PLS1: variants seen among roughly 807,000 people sequenced by gnomAD.
PLS1 encodes plastin-1.
In PLS1, 32 loss-of-function variants were observed where a neutral mutation model predicts 73.7. The ratio of observed to expected loss-of-function variants is 0.43; its 90% confidence interval spans 0.33 to 0.58. The LOEUF (loss-of-function observed/expected upper bound fraction) is 0.58, where lower values mean the gene tolerates loss of function less well. Ranked by LOEUF, PLS1 falls within the 20% of genes least tolerant of loss-of-function variation. PLS1 has a pLI of 0.04. For synonymous variants in PLS1, 217 were observed against 261.3 expected, an observed-to-expected ratio of 0.83 and a Z score of 1.63; for missense variants, 633 against 740.5, an observed-to-expected ratio of 0.85 and a Z score of 1.68.
At chr3:142,646,162 G>A (rs948044423) in intron 1 of PLS1, among the ~76,000 whole-genome samples, 5 of 152,054 alleles carry the variant, frequency 3.3e-5, no homozygotes, top group Non-Finnish European at 1.5e-5. Context: ...GTGAAGATTC[G>A]ATGAGTCAAT....
At chr3:142,635,416 C>G (rs554371867) in intron 1 of PLS1, among the ~76,000 whole-genome samples, 54 of 142,876 alleles carry the variant, frequency 3.8e-4, no homozygotes, top group African/African-American at 1.4e-3. Context: ...ATGGTGAAGT[C>G]TTGTCTCTAC....
chr3:142,687,731 C>A (rs976896895), intron 9 of PLS1, among the ~76,000 whole-genome samples: 10 of 152,150 alleles, frequency 6.6e-5, no homozygotes, highest in Non-Finnish European at 1.5e-4. Context: ...GACATTACTT[C>A]ATGGATAAAT....
intron 4 of PLS1, among the ~76,000 whole-genome samples, chr3:142,673,332 C>T (rs1156482043): frequency 2.0e-5 from 3 of 152,122 alleles, no homozygotes; most frequent in Admixed American, 1.3e-4. Flanking sequence ...TACCTGGCCC[C>T]TTCATTCCTT....
chr3:142,632,954 A>G (rs1490045265), intron 1 of PLS1, among the ~76,000 whole-genome samples: 2 of 152,194 alleles, frequency 1.3e-5, no homozygotes, highest in South Asian at 2.1e-4. Context: ...ATCATTAGTC[A>G]CAACAGTAAG....
chr3:142,687,066 C>T (rs183377251), intron 9 of PLS1, among the ~76,000 whole-genome samples: 1 of 152,194 alleles, frequency 6.6e-6, no homozygotes, highest in Non-Finnish European at 1.5e-5. Flanking sequence ...AGCATACTTC[C>T]TAGGAATCTC....
chr3:142,683,124 A>G (rs1424440607), intron 6 of PLS1, among the ~76,000 whole-genome samples: 1 of 152,238 alleles, frequency 6.6e-6, no homozygotes, highest in African/African-American at 2.4e-5. Context: ...GAGAACCTCT[A>G]TGCTTTGCTG....
At chr3:142,608,368 G>C (rs1399470336) in intron 1 of PLS1, among the ~76,000 whole-genome samples, 1 of 152,186 alleles carries the variant, frequency 6.6e-6, no homozygotes, top group Non-Finnish European at 1.5e-5. Flanking sequence ...TGTTTTGCTT[G>C]TAATAAAACA....
chr3:142,669,476 C>T lies in PLS1; in HGVS notation c.157C>T (p.Arg53Cys), dbSNP rs758166026. 12 of 1,613,024 alleles carry T rather than the reference C, an allele frequency of 7.4e-6. No individual in the cohort carries two copies. Among genetic ancestry groups the T allele is most frequent in the Non-Finnish European group, 1.0e-5 (12 of 1,179,222 alleles). The change falls in exon 3 of 16, where the codon CGC becomes TGC. Residue 53 changes from arginine to cysteine, a missense_variant. By Grantham distance (180) the Arg-to-Cys change is radical. Transcript: ENST00000457734. Reference sequence around the variant, plus strand: ...CCTTCCTCTGCCTGGCTACAAGGTGCGCGAGATTGTGGAGAAAATTCTATC... The same window carrying T: ...CCTTCCTCTGCCTGGCTACAAGGTGTGCGAGATTGTGGAGAAAATTCTATC... ...ASLPLPGYKV[R>C]EIVEKILSVA... is the part of the protein sequence containing the mutation.
chr3:142,612,696 T>G (rs901423603), intron 1 of PLS1, among the ~76,000 whole-genome samples: 1 of 151,986 alleles, frequency 6.6e-6, no homozygotes, highest in African/African-American at 2.4e-5. Context: ...GAGTCTAGCC[T>G]GGTCAATACA....
At chr3:142,636,055 A>ATTTTT (rs34619105) in intron 1 of PLS1, among the ~76,000 whole-genome samples, 2 of 147,930 alleles carry the variant, frequency 1.4e-5, no homozygotes, top group African/African-American at 5.0e-5. Context: ...ACACCTGCTA[A>ATTTTT]TTTTTTTTTT....
Position 142,686,329 on chromosome 3 carries a change from G to T in PLS1, c.934G>T (p.Gly312Cys). 6.2e-7 allele frequency: 1 copy of T among 1,611,968 alleles called. No individual in the cohort carries two copies. Among genetic ancestry groups the T allele is most frequent in the South Asian group, 1.1e-5 (1 of 91,038 alleles). ...TCTGCTTAATCAGATTGCCCCTAAA[G>T]GTGGGGAAGATGGACCTGCCATTGC... ...FHLLNQIAPK[G>C]GEDGPAIAID... The change falls in exon 9 of 16, where the codon GGT (glycine) becomes TGT (cysteine). Residue 312 changes from glycine (G) to cysteine (C), a missense_variant. By Grantham distance (159) the Gly-to-Cys change is radical (BLOSUM62 -3). Transcript: ENST00000457734.
At chr3:142,616,341 T>C (rs1401135434) in intron 1 of PLS1, among the ~76,000 whole-genome samples, 1 of 152,164 alleles carries the variant, frequency 6.6e-6, no homozygotes, top group Non-Finnish European at 1.5e-5. Context: ...GAAAAAAGAA[T>C]GATGGAGGAA....
At chr3:142,657,188 T>C (rs1001988843) in intron 1 of PLS1, 1 of 152,156 alleles carries the variant, frequency 6.6e-6, no homozygotes, top group Non-Finnish European at 1.5e-5. Flanking sequence ...CCGGTGAGGT[T>C]CTGTTGCACC....
chr3:142,631,129 C>A (rs543795915), intron 1 of PLS1, among the ~76,000 whole-genome samples: 1 of 152,056 alleles, frequency 6.6e-6, no homozygotes, highest in East Asian at 1.9e-4. Context: ...GTAATCCCAA[C>A]ACTTTGGGAA....
At chr3:142,620,461 A>G (rs985620565) in intron 1 of PLS1, among the ~76,000 whole-genome samples, 10 of 151,446 alleles carry the variant, frequency 6.6e-5, no homozygotes, top group Non-Finnish European at 1.5e-4. Flanking sequence ...GCAGAAAGAT[A>G]TTCTCACAGA....
chr3:142,678,225 C>T (rs1179084480), intron 6 of PLS1, 112 bp downstream of exon 6: 1 of 429,352 alleles, frequency 2.3e-6, no homozygotes, highest in East Asian at 4.0e-5. Flanking sequence ...TAATGCTATT[C>T]TCCTATAAAA....
chr3:142,671,750 T>C (rs1028120528), intron 4 of PLS1, among the ~76,000 whole-genome samples: 1 of 152,220 alleles, frequency 6.6e-6, no homozygotes, highest in Admixed American at 6.5e-5. Flanking sequence ...AAGTTCTTTT[T>C]ATTTATATGA....
chr3:142,679,332 A>T (rs2037797520), intron 6 of PLS1, among the ~76,000 whole-genome samples: 1 of 149,904 alleles, frequency 6.7e-6, no homozygotes, highest in Non-Finnish European at 1.5e-5. Context: ...GGTGTTTTAG[A>T]CATGAAGTCC....
intron 1 of PLS1, among the ~76,000 whole-genome samples, chr3:142,662,468 T>C (rs995251264): frequency 2.6e-5 from 4 of 152,156 alleles, no homozygotes; most frequent in Admixed American, 6.5e-5. Context: ...CTAATGTAGA[T>C]GGTGGGTTGA....
Sources: allele counts gnomAD v4.1 joint callset (sites outside exome capture counted in the v4.1 genomes callset), GRCh38; gene constraint gnomAD v4.1.1; transcripts MANE v1.5; gene names NCBI Gene and HGNC (gene_info 2026-07-23, HGNC 2026-07-21).